The following ANKFN1 variants were observed in gnomAD, a reference collection of about 807,000 sequenced individuals.
The protein encoded by ANKFN1 is ankyrin repeat and fibronectin type III domain containing 1, also known as ankyrin repeat and fibronectin type-III domain-containing protein 1.
A neutral mutation model predicts 108.7 loss-of-function variants in ANKFN1; 74 were observed. The observed-to-expected ratio is 0.68, with a 90% confidence interval of 0.56 to 0.83. The LOEUF (loss-of-function observed/expected upper bound fraction) is 0.83. Ranked by LOEUF, ANKFN1 falls within the 40% of genes least tolerant of loss-of-function variation. ANKFN1 has a pLI of 0.00. For missense variants in ANKFN1, 1,505 were observed against 1,382.3 expected (o/e 1.09, Z -1.41); for synonymous variants, 547 against 516.2 (o/e 1.06, Z -0.81).
chr17:56,491,711 A>C (rs1455646204), intron 18 of ANKFN1, among the ~76,000 whole-genome samples: 1 of 152,204 alleles, frequency 6.6e-6, no homozygotes, highest in Non-Finnish European at 1.5e-5. Flanking sequence ...AGACACTCTG[A>C]GAAAAGCATG....
At chr17:56,430,778 TC>T (rs1238442763) in intron 8 of ANKFN1, among the ~76,000 whole-genome samples, 2 of 152,224 alleles carry the variant, frequency 1.3e-5, no homozygotes, top group Non-Finnish European at 2.9e-5. Context: ...ATAGTCACTG[TC>T]CTCATGGAGC....
intron 4 of ANKFN1, among the ~76,000 whole-genome samples, chr17:56,064,214 G>A (rs1905024373): frequency 6.6e-6 from 1 of 152,226 alleles, no homozygotes; most frequent in African/African-American, 2.4e-5. Context: ...CCAGTTGGGT[G>A]GCATGGGGAG....
intron 4 of ANKFN1, among the ~76,000 whole-genome samples, chr17:56,135,806 C>G (rs1052783450): frequency 6.6e-5 from 10 of 152,072 alleles, no homozygotes; most frequent in African/African-American, 2.2e-4. Context: ...TTGAGGATCA[C>G]CTTGTTATAT....
At chr17:56,222,750 A>G (rs188642003) in intron 2 of ANKFN1, among the ~76,000 whole-genome samples, 61 of 152,348 alleles carry the variant, frequency 4.0e-4, no homozygotes, top group Admixed American at 2.2e-3. Context: ...TAGAGGACAC[A>G]TCTTATTGTT....
At chr17:56,461,372 G>C (rs1047455789) in intron 14 of ANKFN1, among the ~76,000 whole-genome samples, 10 of 152,080 alleles carry the variant, frequency 6.6e-5, no homozygotes, top group Non-Finnish European at 1.5e-4. Flanking sequence ...TATACACTTG[G>C]TTCCATACTC....
chr17:56,226,482 A>T (rs2143901193), intron 2 of ANKFN1, among the ~76,000 whole-genome samples: 2 of 152,292 alleles, frequency 1.3e-5, no homozygotes, highest in East Asian at 3.9e-4. Flanking sequence ...GAGATTTTTT[A>T]ATAAGGATGT....
intron 14 of ANKFN1, among the ~76,000 whole-genome samples, chr17:56,460,170 C>T (rs1348337362): frequency 3.3e-5 from 5 of 152,006 alleles, no homozygotes; most frequent in Non-Finnish European, 7.4e-5. Flanking sequence ...TTTGCTTTCT[C>T]ACACTGTAAA....
chr17:56,056,376 CA>C (rs35100387), intron 4 of ANKFN1, among the ~76,000 whole-genome samples: 80,062 of 135,052 alleles, frequency 0.59, 23,237 homozygotes, highest in Middle Eastern at 0.71. Flanking sequence ...CAATTCTAAG[CA>C]AAAAAAAAAA....
chr17:56,457,158 G>A (rs569578969), intron 12 of ANKFN1, 99 bp from the exon 13 acceptor site: 24 of 1,263,018 alleles, frequency 1.9e-5, no homozygotes, highest in South Asian at 1.4e-4. Context: ...GCAGGAATAC[G>A]TTCCTAGGTA....
intron 3 of ANKFN1, among the ~76,000 whole-genome samples, chr17:56,302,777 A>C (rs181210564): frequency 3.0e-4 from 45 of 152,342 alleles, no homozygotes; most frequent in African/African-American, 8.2e-4. Context: ...AATTTTTTAC[A>C]CAAAAATGAG....
intron 4 of ANKFN1, among the ~76,000 whole-genome samples, chr17:56,091,680 C>T (rs1905423777): frequency 6.6e-6 from 1 of 151,432 alleles, no homozygotes; most frequent in African/African-American, 2.4e-5. Flanking sequence ...TTTTTCCACA[C>T]TGATAACGTT....
chr17:56,055,858 C>T (rs901796414), intron 4 of ANKFN1, among the ~76,000 whole-genome samples: 1 of 151,590 alleles, frequency 6.6e-6, no homozygotes, highest in Non-Finnish European at 1.5e-5. Context: ...TATAAGCATT[C>T]CCTTTTCTCC....
At chr17:56,329,830 C>G (rs887476540) in intron 4 of ANKFN1, among the ~76,000 whole-genome samples, 1 of 152,092 alleles carries the variant, frequency 6.6e-6, no homozygotes, top group South Asian at 2.1e-4. Context: ...TCATAAGAAC[C>G]CTGCCCTCAT....
At position 56,153,544 on chromosome 17, in the gene ANKFN1, A is replaced by G; in HGVS notation, c.-71+14A>G. Reference sequence around the variant, plus strand: ...TCTCTAACCAGGGTAGGAAAACAATAGTTCTAAATATCGGTAATTGGTGTT... The same window carrying G: ...TCTCTAACCAGGGTAGGAAAACAATGGTTCTAAATATCGGTAATTGGTGTT... On this transcript the variant is annotated intron_variant, in intron 1 of 20. Coordinates refer to ENST00000682825, the MANE Select transcript of ANKFN1 (RefSeq NM_001370326.1). 6.2e-7 allele frequency: 1 copy of G among 1,613,776 alleles called. No homozygotes were observed. The highest frequency in any genetic ancestry group is 2.2e-5 in the East Asian group (1 of 44,878).
chr17:56,467,857 GGAAA>G (rs1201451388), intron 15 of ANKFN1, among the ~76,000 whole-genome samples: 2 of 130,294 alleles, frequency 1.5e-5, no homozygotes, highest in Non-Finnish European at 3.4e-5. Context: ...AAAGAAAAAG[GGAAA>G]GAAAGAAAGA....
At chr17:56,453,672 C>T (rs888520947) in intron 11 of ANKFN1, among the ~76,000 whole-genome samples, 3 of 152,098 alleles carry the variant, frequency 2.0e-5, no homozygotes, top group African/African-American at 7.2e-5. Flanking sequence ...CTTTCCCCCT[C>T]ACAGCATCCT....
intron 8 of ANKFN1, among the ~76,000 whole-genome samples, chr17:56,420,249 G>T (rs9895582): frequency 0.093 from 14,215 of 152,088 alleles, 2,149 homozygotes; most frequent in African/African-American, 0.32. Context: ...TGACTTAGAG[G>T]AATTCTAGCT....
At chr17:56,282,724 T>G (rs2044115462) in intron 3 of ANKFN1, among the ~76,000 whole-genome samples, 1 of 148,554 alleles carries the variant, frequency 6.7e-6, no homozygotes, top group Non-Finnish European at 1.5e-5. Flanking sequence ...TAACTAGGAC[T>G]TTTTTTTTTG....
intron 1 of ANKFN1, among the ~76,000 whole-genome samples, chr17:56,181,211 C>T (rs1048868475): frequency 1.3e-5 from 2 of 152,078 alleles, no homozygotes; most frequent in African/African-American, 4.8e-5. Flanking sequence ...TGCATGAATG[C>T]CTTTTTATCT....
Sources: gnomAD v4.1 joint callset for allele counts (sites outside exome capture counted in the v4.1 genomes callset) on GRCh38, gnomAD v4.1.1 for gene constraint, MANE v1.5 for transcripts, NCBI Gene and HGNC (gene_info 2026-07-23, HGNC 2026-07-21) for gene names.